The following PLCG2 variants were observed in gnomAD, a reference collection of about 807,000 sequenced individuals.
PLCG2 encodes 1-phosphatidylinositol 4,5-bisphosphate phosphodiesterase gamma-2.
PLCG2 carries 69 observed loss-of-function variants against 175.6 expected under a neutral mutation model. That is an observed-to-expected ratio of 0.39 (90% CI 0.32 to 0.48). The LOEUF is 0.48. PLCG2 is among the 20% of genes least tolerant of loss of function. The pLI is 0.91. For synonymous variants in PLCG2, 827 were observed against 624.0 expected, an observed-to-expected ratio of 1.33 and a Z score of -4.85; for missense variants, 1,798 against 1,650.9, an observed-to-expected ratio of 1.09 and a Z score of -1.54.
At chr16:81,764,674 G>A (rs1910107780) in intron 2 of PLCG2, among the ~76,000 whole-genome samples, 2 of 152,176 alleles carry the variant, frequency 1.3e-5, no homozygotes, top group African/African-American at 4.8e-5. Flanking sequence ...TTGTGGACCA[G>A]GTTGAACAGT....
chr16:81,876,032 T>G (rs1478756530), intron 7 of PLCG2, among the ~76,000 whole-genome samples: 38 of 140,054 alleles, frequency 2.7e-4, no homozygotes, highest in South Asian at 2.0e-3. Flanking sequence ...TTTTTTTTTT[T>G]TTTTTGTTTT....
chr16:81,889,999 A>C (rs918923738), intron 10 of PLCG2, among the ~76,000 whole-genome samples: 13 of 151,880 alleles, frequency 8.6e-5, no homozygotes, highest in African/African-American at 2.9e-4. Flanking sequence ...GGCCAGGGAA[A>C]GGGTGCTGCT....
intron 2 of PLCG2, among the ~76,000 whole-genome samples, chr16:81,840,408 A>G (rs1330855236): frequency 6.6e-6 from 1 of 152,196 alleles, no homozygotes; most frequent in Admixed American, 6.5e-5. Flanking sequence ...AGGGCATTAC[A>G]TTGATTGTGT....
chr16:81,919,529 G>T lies in PLCG2; in HGVS notation c.2100G>T (p.Arg700=). ...VKHCRINRDG[R]HFVLGTSAYF... Reference sequence around the variant, plus strand: ...ATTGTCGCATCAACCGGGACGGCCGGCACTTTGTGCTGGGGACCTCCGCCT... The same window carrying T: ...ATTGTCGCATCAACCGGGACGGCCGTCACTTTGTGCTGGGGACCTCCGCCT... The change falls in exon 20 of 33, where the codon CGG becomes CGT. Residue 700 remains arginine, a synonymous_variant. Coordinates refer to ENST00000564138, the MANE Select transcript of PLCG2 (RefSeq NM_002661.5). 2 of 1,614,144 alleles carry T rather than the reference G, an allele frequency of 1.2e-6. No homozygotes were observed. Among genetic ancestry groups the T allele is most frequent in the Non-Finnish European group, 1.7e-6 (2 of 1,180,024 alleles).
At chr16:81,885,992 A>C (rs59993558) in intron 9 of PLCG2, among the ~76,000 whole-genome samples, 6,622 of 152,300 alleles carry the variant, frequency 0.043, 465 homozygotes, top group African/African-American at 0.15. Flanking sequence ...CAGTCACGTT[A>C]GGTCTGAGCT....
chr16:81,769,425 G>A (rs1414146058), intron 2 of PLCG2, among the ~76,000 whole-genome samples: 2 of 152,296 alleles, frequency 1.3e-5, no homozygotes, highest in East Asian at 1.9e-4. Context: ...TTCTGATTCA[G>A]TAAGGCCAAT....
intron 8 of PLCG2, among the ~76,000 whole-genome samples, chr16:81,882,613 T>C (rs1908139942): frequency 6.6e-6 from 1 of 152,106 alleles, no homozygotes; most frequent in African/African-American, 2.4e-5. Context: ...AATCCCTCCC[T>C]CTGGCCTGCG....
chr16:81,852,712 A>T (rs767591278), intron 2 of PLCG2, among the ~76,000 whole-genome samples: 1 of 152,172 alleles, frequency 6.6e-6, no homozygotes, highest in African/African-American at 2.4e-5. Context: ...GTGGCTTAAG[A>T]CAACAATCAT....
At chr16:81,932,722 G>C (rs908749802) in intron 25 of PLCG2, among the ~76,000 whole-genome samples, 1 of 152,346 alleles carries the variant, frequency 6.6e-6, no homozygotes, top group East Asian at 1.9e-4. Context: ...ACTTTGCAGA[G>C]GGGACTGGTC....
At chr16:81,905,365 C>G (rs761272434) in intron 14 of PLCG2, 38 bp from the exon 15 acceptor site, 3 of 1,475,002 alleles carry the variant, frequency 2.0e-6, no homozygotes, top group South Asian at 2.3e-5. Flanking sequence ...AAACTTGGGT[C>G]TCCATGGAGA....
intron 2 of PLCG2, among the ~76,000 whole-genome samples, chr16:81,850,628 G>A (rs1906358051): frequency 6.6e-6 from 1 of 152,136 alleles, no homozygotes; most frequent in African/African-American, 2.4e-5. Flanking sequence ...TTCTCTTCCT[G>A]GCTCCCCGAA....
In PLCG2 at chr16:81,940,016, C is replaced by A; in HGVS notation, c.3438C>A (p.Asn1146Lys). ...VYEEDMFSDP[N>K]FLAHATYPIK... ...AAGAAGATATGTTCAGCGATCCCAA[C>A]TTTCTTGCTCATGCCACTTACCCCA... The change falls in exon 30 of 33, where the codon AAC (asparagine) becomes AAA (lysine). Residue 1146 changes from asparagine (N) to lysine (K), a missense_variant. Asn to Lys is a moderately conservative substitution (Grantham distance 94). Coordinates refer to ENST00000564138, the MANE Select transcript of PLCG2 (RefSeq NM_002661.5). The A allele has an allele frequency of 6.2e-7, 1 of 1,614,102 alleles. No homozygotes were observed. The highest frequency in any genetic ancestry group is 8.5e-7 in the Non-Finnish European group (1 of 1,179,920).
intron 2 of PLCG2, among the ~76,000 whole-genome samples, chr16:81,811,660 G>GT (rs1421111321): frequency 6.6e-6 from 1 of 152,006 alleles, no homozygotes; most frequent in Admixed American, 6.6e-5. Flanking sequence ...GAGAATGATG[G>GT]TTTCCAGCTT....
intron 16 of PLCG2, 100 bp downstream of exon 16, chr16:81,907,874 T>C: frequency 1.3e-6 from 1 of 778,026 alleles, no homozygotes; most frequent in Non-Finnish European, 2.2e-6. Context: ...TCTGGCCGGC[T>C]GGCAAGGGGA....
At chr16:81,856,848 C>A (rs1906709924) in intron 3 of PLCG2, among the ~76,000 whole-genome samples, 1 of 152,070 alleles carries the variant, frequency 6.6e-6, no homozygotes, top group African/African-American at 2.4e-5. Context: ...AGTGGAATCA[C>A]AAGGGTTCTT....
intron 2 of PLCG2, among the ~76,000 whole-genome samples, chr16:81,765,126 CATA>C (rs907688559): frequency 6.6e-6 from 1 of 152,168 alleles, no homozygotes; most frequent in African/African-American, 2.4e-5. Flanking sequence ...ACTGGTGTGT[CATA>C]AGAAGAGGGA....
chr16:81,807,837 G>A (rs2143280344), intron 2 of PLCG2, among the ~76,000 whole-genome samples: 1 of 152,306 alleles, frequency 6.6e-6, no homozygotes, highest in East Asian at 1.9e-4. Context: ...GAAAGCAGGA[G>A]CAAGAGAGAG....
At chr16:81,795,995 C>G (rs1434967294) in intron 2 of PLCG2, among the ~76,000 whole-genome samples, 1 of 152,178 alleles carries the variant, frequency 6.6e-6, no homozygotes. Context: ...TTTCTGTAAC[C>G]CCTAATTTTG....
intron 25 of PLCG2, 99 bp downstream of exon 25, chr16:81,931,753 GC>G: frequency 2.1e-6 from 2 of 975,376 alleles, no homozygotes; most frequent in Non-Finnish European, 1.6e-6. Flanking sequence ...GGATGAGCAG[GC>G]CCAGGTCCTA....
Sources: gnomAD v4.1 joint callset for allele counts (sites outside exome capture counted in the v4.1 genomes callset) on GRCh38, gnomAD v4.1.1 for gene constraint, MANE v1.5 for transcripts, NCBI Gene and HGNC (gene_info 2026-07-23, HGNC 2026-07-21) for gene names.